TMEM132E: variants seen among roughly 807,000 people sequenced by gnomAD.
The protein encoded by TMEM132E is transmembrane protein 132E.
Under a neutral mutation model 78.5 loss-of-function variants are expected in TMEM132E, and 49 were observed. That is an observed-to-expected ratio of 0.62 (90% CI 0.50 to 0.79). The LOEUF (loss-of-function observed/expected upper bound fraction) is 0.79, where lower values mean the gene tolerates loss of function less well. TMEM132E is among the 30% of genes least tolerant of loss of function. TMEM132E has a pLI of 0.00. For synonymous variants in TMEM132E, 715 were observed against 670.6 expected, an observed-to-expected ratio of 1.07 and a Z score of -1.02; for missense variants, 1,403 against 1,470.9, an observed-to-expected ratio of 0.95 and a Z score of 0.75.
intron 1 of TMEM132E, among the ~76,000 whole-genome samples, chr17:34,613,211 A>ACACACGCGCG: frequency 0.056 from 6,509 of 115,512 alleles, 327 homozygotes; most frequent in Non-Finnish European, 0.071. Context: ...ACACACACAC[A>ACACACGCGCG]CGCGCGCGCG....
Position 34,638,224 on chromosome 17 carries a change from A to G in TMEM132E, c.3217A>G (p.Ile1073Val). Residue 1073 changes from isoleucine (I) to valine (V), a missense_variant, in exon 9 of 9, where the codon ATT becomes GTT. This residue lies in a region of TMEM132E where 888 missense variants were observed against 952.8 expected (regional missense o/e 0.93). Coordinates refer to ENST00000631683, the MANE Select transcript of TMEM132E (RefSeq NM_001304438.2). ...CAATTACATGCGCAGAATCAAAGAGATTGCATAGAGGCGCCAGCCGGAGTA... is the reference window on the plus strand; with the variant it reads ...CAATTACATGCGCAGAATCAAAGAGGTTGCATAGAGGCGCCAGCCGGAGTA... The part of the protein sequence containing the change: ...LHNYMRRIKE[I>V]A 6.3e-7 allele frequency: 1 copy of G among 1,582,852 alleles called. No individual in the cohort carries two copies. The highest frequency in any genetic ancestry group is 1.2e-5 in the South Asian group (1 of 86,246).
intron 1 of TMEM132E, among the ~76,000 whole-genome samples, chr17:34,619,536 T>G (rs1435063200): frequency 2.6e-5 from 4 of 151,840 alleles, no homozygotes; most frequent in African/African-American, 9.7e-5. Flanking sequence ...GTTTCACATC[T>G]ACATGGGCCA....
chr17:34,607,547 T>C (rs1217614900), intron 1 of TMEM132E, among the ~76,000 whole-genome samples: 1 of 152,214 alleles, frequency 6.6e-6, no homozygotes, highest in Non-Finnish European at 1.5e-5. Context: ...TTCAATTTAG[T>C]TCTGATATTA....
At chr17:34,635,814 G>A (rs1203417907) in intron 7 of TMEM132E, 193 bp from the exon 8 acceptor site, 5 of 445,098 alleles carry the variant, frequency 1.1e-5, no homozygotes, top group Non-Finnish European at 1.9e-5. Context: ...GTGAGCCCCC[G>A]ACCCTCTCAT....
chr17:34,637,557 C>T lies in TMEM132E; in HGVS notation c.2550C>T (p.Pro850=). 6 of 1,599,302 alleles carry T rather than the reference C, an allele frequency of 3.8e-6. No individual in the cohort carries two copies. The highest frequency in any genetic ancestry group is 1.1e-5 in the South Asian group (1 of 90,202). ...RGAGPPGSAL[P]APEAPGPGTA... ...CTGGCCCGCCGGGCTCTGCGCTACCCGCACCGGAGGCTCCAGGCCCGGGCA... is the reference window on the plus strand; with the variant it reads ...CTGGCCCGCCGGGCTCTGCGCTACCTGCACCGGAGGCTCCAGGCCCGGGCA... Residue 850 remains proline (P), a synonymous_variant, in exon 9 of 9, where the codon CCC becomes CCT. Coordinates refer to ENST00000631683, the MANE Select transcript of TMEM132E (RefSeq NM_001304438.2).
At chr17:34,630,281 G>A in intron 5 of TMEM132E, 130 bp downstream of exon 5, 2 of 973,090 alleles carry the variant, frequency 2.1e-6, no homozygotes, top group Admixed American at 5.6e-5. Flanking sequence ...TCCCTGTGCT[G>A]GGACCCCTTC....
chr17:34,591,518 C>A (rs940698546), intron 1 of TMEM132E, among the ~76,000 whole-genome samples: 7 of 152,178 alleles, frequency 4.6e-5, no homozygotes, highest in African/African-American at 1.7e-4. Context: ...ACATTGTTGC[C>A]CAGTCTGGCC....
In TMEM132E at chr17:34,636,120, C is replaced by T. The variant is rs950012187; in HGVS notation, c.2091C>T (p.Ser697=). Residue 697 remains serine (S), a synonymous_variant, in exon 8 of 9, where the codon TCC becomes TCT. Transcript: ENST00000631683. ...AGGTGGTGGCCAGCCTGGCCCTCTC[C>T]CTGCGGCCCAGCCCTGGGAGCAGCC... The part of the protein sequence containing the change: ...QAQVVASLAL[S]LRPSPGSSHT... 1 of 1,593,502 alleles carries T rather than the reference C, an allele frequency of 6.3e-7. No individual in the cohort carries two copies. The highest frequency in any genetic ancestry group is 8.5e-7 in the Non-Finnish European group (1 of 1,170,842).
chr17:34,583,498 A>G (rs1405350891), intron 1 of TMEM132E, among the ~76,000 whole-genome samples: 1 of 152,192 alleles, frequency 6.6e-6, no homozygotes, highest in East Asian at 1.9e-4. Flanking sequence ...GGGCTGCCTG[A>G]CACCCACGTA....
Position 34,638,061 on chromosome 17 carries a change from C to G in TMEM132E, c.3054C>G (p.Phe1018Leu). 1.9e-6 allele frequency: 3 copies of G among 1,580,348 alleles called. No individual in the cohort carries two copies. The highest frequency in any genetic ancestry group is 2.6e-6 in the Non-Finnish European group (3 of 1,163,206). The part of the protein sequence containing the change: ...SKRKRVKFTT[F>L]TTLPSEELAY... ...GCAAGCGGGTCAAGTTCACCACCTT[C>G]ACCACGCTGCCGTCAGAGGAGCTGG... Residue 1018 changes from phenylalanine (F) to leucine (L), a missense_variant, in exon 9 of 9, where the codon TTC (phenylalanine) becomes TTG (leucine). By Grantham distance (22) the Phe-to-Leu change is conservative. This residue lies in a region of TMEM132E where 888 missense variants were observed against 952.8 expected (regional missense o/e 0.93). Coordinates refer to ENST00000631683, the MANE Select transcript of TMEM132E (RefSeq NM_001304438.2).
intron 1 of TMEM132E, 25 bp downstream of exon 1, chr17:34,581,168 G>T: frequency 6.7e-7 from 1 of 1,497,516 alleles, no homozygotes; most frequent in Non-Finnish European, 8.9e-7. Context: ...GCGGACTGGG[G>T]GTGAGGATGC....
At chr17:34,620,264 A>T (rs1000628157) in intron 1 of TMEM132E, among the ~76,000 whole-genome samples, 1 of 152,200 alleles carries the variant, frequency 6.6e-6, no homozygotes, top group Non-Finnish European at 1.5e-5. Context: ...GGTACCCCCA[A>T]CCTCAGAAAA....
chr17:34,599,818 G>A (rs1906176077), intron 1 of TMEM132E, among the ~76,000 whole-genome samples: 1 of 152,194 alleles, frequency 6.6e-6, no homozygotes, highest in Non-Finnish European at 1.5e-5. Flanking sequence ...CCCAAGTGTG[G>A]TGGAGGGAGT....
chr17:34,612,970 A>AGGG (rs1176724902), intron 1 of TMEM132E, among the ~76,000 whole-genome samples: 2 of 151,938 alleles, frequency 1.3e-5, no homozygotes, highest in Non-Finnish European at 2.9e-5. Flanking sequence ...TCTAAATGTT[A>AGGG]GGGGGACCCC....
chr17:34,582,282 C>G (rs569088017), intron 1 of TMEM132E, among the ~76,000 whole-genome samples: 1 of 152,116 alleles, frequency 6.6e-6, no homozygotes, highest in Non-Finnish European at 1.5e-5. Context: ...CCGGGCTCAG[C>G]TCTTGCCCAG....
chr17:34,602,235 G>A (rs927528844), intron 1 of TMEM132E, among the ~76,000 whole-genome samples: 5 of 152,356 alleles, frequency 3.3e-5, no homozygotes, highest in African/African-American at 1.2e-4. Flanking sequence ...ATGAACAATC[G>A]TGCTGCTTTA....
chr17:34,634,998 G>C lies in TMEM132E; in HGVS notation c.1888G>C (p.Asp630His). Residue 630 changes from aspartate to histidine, a missense_variant, in exon 7 of 9, where the codon GAC becomes CAC. Coordinates refer to ENST00000631683, the MANE Select transcript of TMEM132E (RefSeq NM_001304438.2). ...WLVEVTDLVS[D>H]FMRVGDPRVA... Reference sequence around the variant, plus strand: ...GGTGGAGGTCACCGACCTAGTCAGTGACTTCATGCGGGTGGGCGATCCCCG... The same window carrying C: ...GGTGGAGGTCACCGACCTAGTCAGTCACTTCATGCGGGTGGGCGATCCCCG... 2 of 1,614,106 alleles carry C rather than the reference G, an allele frequency of 1.2e-6. No homozygotes were observed. Among genetic ancestry groups the C allele is most frequent in the Non-Finnish European group, 1.7e-6 (2 of 1,180,034 alleles).
At position 34,637,408 on chromosome 17, in the gene TMEM132E, G is replaced by C. The variant is rs757863800; in HGVS notation, c.2401G>C (p.Val801Leu). The change falls in exon 9 of 9, where the codon GTG becomes CTG. Residue 801 changes from valine to leucine, a missense_variant. By Grantham distance (32) the Val-to-Leu change is conservative (BLOSUM62 1). Transcript: ENST00000631683. ...ESCQKTKRKS[V>L]LATTPVGLRV... ...CTGCCAGAAAACCAAACGCAAGAGT[G>C]TGCTCGCCACGACCCCTGTGGGCCT... 6.2e-7 allele frequency: 1 copy of C among 1,613,826 alleles called. No individual in the cohort carries two copies. Among genetic ancestry groups the C allele is most frequent in the Non-Finnish European group, 8.5e-7 (1 of 1,180,046 alleles).
intron 1 of TMEM132E, among the ~76,000 whole-genome samples, chr17:34,588,889 GACTGCAGGTGTGCACC>G (rs1905766225): frequency 6.6e-6 from 1 of 152,158 alleles, no homozygotes; most frequent in Non-Finnish European, 1.5e-5. Context: ...GAGTAGCTGA[GACTGCAGGTGTGCACC>G]ACCACACCTG....
Sources: gnomAD v4.1 joint callset for allele counts (sites outside exome capture counted in the v4.1 genomes callset) on GRCh38, gnomAD v4.1.1 for gene constraint, gnomAD v4.1.1 regional missense constraint, MANE v1.5 for transcripts, NCBI Gene and HGNC (gene_info 2026-07-23, HGNC 2026-07-21) for gene names.